PCDHGA4: variants seen among roughly 807,000 people sequenced by gnomAD.
PCDHGA4 encodes the protein protocadherin gamma subfamily A, 4, also known as protocadherin gamma-A4.
A neutral mutation model predicts 54.6 loss-of-function variants in PCDHGA4; 38 were observed. The observed-to-expected ratio is 0.70, with a 90% CI of 0.54 to 0.91. The LOEUF (loss-of-function observed/expected upper bound fraction) is 0.91, where lower values mean the gene tolerates loss of function less well. PCDHGA4 is among the 40% of genes least tolerant of loss of function. The pLI, the probability that PCDHGA4 is intolerant of heterozygous loss-of-function variation, is 0.00. For missense variants in PCDHGA4, 1,298 were observed against 1,220.9 expected (o/e 1.06, Z -0.94); for synonymous variants, 511 against 512.9 (o/e 1.00, Z 0.05).
intron 1 of PCDHGA4, chr5:141,417,735 C>T (rs1408012587): frequency 1.4e-6 from 2 of 1,398,382 alleles, no homozygotes; most frequent in African/African-American, 2.9e-5. Flanking sequence ...CCTTGCCCAG[C>T]ACACCAGATT....
chr5:141,388,394 C>G lies in PCDHGA4; in HGVS notation c.2514+30773C>G, dbSNP rs371227077. 5 of 1,613,846 alleles carry G rather than the reference C, an allele frequency of 3.1e-6. No individual in the cohort carries two copies. In the African/African-American group the frequency reaches 4.0e-5, roughly 13 times the overall value. ...TTGGTAGCAACACACTGCAGAATTA[C>G]CAACTCAGTCCCAGTGATCATTTCT... On this transcript the variant is annotated intron_variant, in intron 1 of 3. Coordinates refer to ENST00000571252, the MANE Select transcript of PCDHGA4 (RefSeq NM_018917.4).
At chr5:141,375,561 A>C in intron 1 of PCDHGA4, 1 of 1,614,064 alleles carries the variant, frequency 6.2e-7, no homozygotes, top group Non-Finnish European at 8.5e-7. Context: ...TCACTGGCAG[A>C]AGACACCCTC....
At chr5:141,499,779 C>T (rs1450026011) in intron 2 of PCDHGA4, among the ~76,000 whole-genome samples, 3 of 151,452 alleles carry the variant, frequency 2.0e-5, no homozygotes, top group Non-Finnish European at 4.4e-5. Flanking sequence ...CTTCGCCTCC[C>T]GGGTTCAAGC....
At chr5:141,418,665 A>T in intron 1 of PCDHGA4, 1 of 1,614,070 alleles carries the variant, frequency 6.2e-7, no homozygotes, top group Non-Finnish European at 8.5e-7. Context: ...GCCACTGACC[A>T]GGACGAGGGC....
intron 1 of PCDHGA4, among the ~76,000 whole-genome samples, chr5:141,386,717 A>G (rs2090680763): frequency 6.6e-6 from 1 of 152,214 alleles, no homozygotes; most frequent in South Asian, 2.1e-4. Flanking sequence ...TGCTGACACC[A>G]ACAATGTTAC....
intron 1 of PCDHGA4, chr5:141,417,547 G>C (rs756455730): frequency 9.7e-5 from 31 of 318,264 alleles, no homozygotes; most frequent in Non-Finnish European, 1.5e-4. Flanking sequence ...AAAATTCCTT[G>C]AAAGAGGTAG....
At chr5:141,478,039 G>A (rs764777183) in intron 1 of PCDHGA4, 29 of 1,613,978 alleles carry the variant, frequency 1.8e-5, no homozygotes, top group Non-Finnish European at 2.5e-5. Flanking sequence ...ATTCACCCAG[G>A]CAGACTCTCA....
intron 1 of PCDHGA4, chr5:141,427,298 G>C (rs960474831): frequency 4.4e-6 from 2 of 456,752 alleles, no homozygotes; most frequent in East Asian, 1.4e-4. Context: ...TCCTAGATGA[G>C]AATGACAATG....
At chr5:141,388,291 A>G (rs571418912) in intron 1 of PCDHGA4, 114 of 1,613,582 alleles carry the variant, frequency 7.1e-5, no homozygotes, top group Non-Finnish European at 2.5e-6. Context: ...TTCACGCAAA[A>G]TTCCTTTGAG....
intron 1 of PCDHGA4, chr5:141,400,541 T>C: frequency 6.2e-7 from 1 of 1,613,832 alleles, no homozygotes; most frequent in Admixed American, 1.7e-5. Flanking sequence ...TTCATTTATG[T>C]CTATTCTTTT....
At chr5:141,375,378 T>A (rs1226520501) in intron 1 of PCDHGA4, 11 of 1,613,954 alleles carry the variant, frequency 6.8e-6, no homozygotes, top group Non-Finnish European at 9.3e-6. Flanking sequence ...ACACCACCTC[T>A]GTCTACAGAA....
intron 1 of PCDHGA4, among the ~76,000 whole-genome samples, chr5:141,433,847 A>C (rs979302028): frequency 6.6e-6 from 1 of 151,976 alleles, no homozygotes; most frequent in South Asian, 2.1e-4. Context: ...CAAAAAAAAA[A>C]AAAAAAAACT....
chr5:141,431,393 C>T lies in PCDHGA4; in HGVS notation c.2515-63414C>T, dbSNP rs1485575362. 5 of 1,613,884 alleles carry T rather than the reference C, an allele frequency of 3.1e-6. No individual in the cohort carries two copies. Among genetic ancestry groups the T allele is most frequent in the Non-Finnish European group, 4.2e-6 (5 of 1,180,048 alleles). On this transcript the variant is annotated intron_variant, in intron 1 of 3. Coordinates refer to ENST00000571252, the MANE Select transcript of PCDHGA4 (RefSeq NM_018917.4). The surrounding 1 kb of genome is among the most constrained non-coding windows in gnomAD (Gnocchi z 4.8). ...AGAAAAGGCTGCTCACCACCTGGTC[C>T]TTACGGCCTCCGACGGGGGCGACCC...
rs1388608588 is a variant in PCDHGA4 at position 141,481,102 on chromosome 5, A to T, written c.2515-13705A>T. The stretch of plus-strand genomic sequence containing the variant: ...GAAAAAAGAAAAGCAGTACTCTGGA[A>T]CCTACCAATCCATCATTTAGCATAT... On this transcript the variant is annotated intron_variant, in intron 1 of 3. Transcript: ENST00000571252. 3.3e-5 allele frequency among the ~76,000 whole-genome samples: 5 copies of T among 152,288 alleles called. No individual in the cohort carries two copies. The East Asian group carries it at 7.7e-4, about 24-fold the overall frequency.
chr5:141,476,224 G>T lies in PCDHGA4; in HGVS notation c.2515-18583G>T. 6.2e-7 allele frequency: 1 copy of T among 1,614,062 alleles called. No individual in the cohort carries two copies. The highest frequency in any genetic ancestry group is 1.1e-5 in the South Asian group (1 of 91,072). ...AGGCTTCCACGGTCATTCACTATGA[G>T]ATCCCGGAGGAAAGAGAGAAGGGTT... On this transcript the variant is annotated intron_variant, in intron 1 of 3. Transcript: ENST00000571252. This position sits in a 1 kb window ranked among gnomAD's most constrained non-coding sequence, Gnocchi z 7.6.
At position 141,431,412 on chromosome 5, in the gene PCDHGA4, G is replaced by A. The variant is rs1458036274; in HGVS notation, c.2515-63395G>A. ...CTGGTCCTTACGGCCTCCGACGGGG[G>A]CGACCCGGTGCGCACAGGCACCGCG... On this transcript the variant is annotated intron_variant, in intron 1 of 3. Transcript: ENST00000571252. This position sits in a 1 kb window ranked among gnomAD's most constrained non-coding sequence, Gnocchi z 4.8. 1 of 1,613,596 alleles carries A rather than the reference G, an allele frequency of 6.2e-7. No homozygotes were observed. Among genetic ancestry groups the A allele is most frequent in the Non-Finnish European group, 8.5e-7 (1 of 1,180,058 alleles).
chr5:141,481,021 GC>G (rs2099529893), intron 1 of PCDHGA4, among the ~76,000 whole-genome samples: 1 of 152,076 alleles, frequency 6.6e-6, no homozygotes, highest in Non-Finnish European at 1.5e-5. Context: ...TCACACCACT[GC>G]ACTCCAGCCT....
At chr5:141,418,891 C>T in intron 1 of PCDHGA4, 2 of 1,613,842 alleles carry the variant, frequency 1.2e-6, no homozygotes, top group South Asian at 2.2e-5. Flanking sequence ...ACGACAACAG[C>T]CCAGAAATAA....
chr5:141,489,335 G>T lies in PCDHGA4; in HGVS notation c.2515-5472G>T. On this transcript the variant is annotated intron_variant, in intron 1 of 3. Transcript: ENST00000571252. This position sits in a 1 kb window ranked among gnomAD's most constrained non-coding sequence, Gnocchi z 4.5. ...TGGGGCTGGGTGTCTGGGCAGCTTC[G>T]TTACTCAGTGGTGGAGGAGTCTGAG... 1.2e-6 allele frequency: 2 copies of T among 1,607,364 alleles called. No individual in the cohort carries two copies. The highest frequency in any genetic ancestry group is 1.7e-6 in the Non-Finnish European group (2 of 1,175,842).
Sources: gnomAD v4.1 joint callset for allele counts (sites outside exome capture counted in the v4.1 genomes callset) on GRCh38, gnomAD v4.1.1 for gene constraint, Gnocchi (gnomAD v3.1) non-coding constraint, MANE v1.5 for transcripts, NCBI Gene and HGNC (gene_info 2026-07-23, HGNC 2026-07-21) for gene names.